Variants in WDFY1 observed in about 807,000 individuals in gnomAD.
WDFY1 encodes WD repeat and FYVE domain-containing protein 1.
In WDFY1, 32 loss-of-function variants were observed where a neutral mutation model predicts 56.4. The observed-to-expected ratio is 0.57, with a 90% CI of 0.43 to 0.76. WDFY1 has a LOEUF of 0.76. Ranked by LOEUF, WDFY1 falls within the 30% of genes least tolerant of loss-of-function variation. The pLI, the probability that WDFY1 is intolerant of heterozygous loss-of-function variation, is 0.00. For synonymous variants in WDFY1, 192 were observed against 197.3 expected (o/e 0.97, Z 0.23); for missense variants, 480 against 545.7 (o/e 0.88, Z 1.20).
intron 4 of WDFY1, among the ~76,000 whole-genome samples, 162 bp downstream of exon 4, chr2:223,905,785 A>C (rs956589499): frequency 5.9e-5 from 9 of 152,254 alleles, no homozygotes; most frequent in East Asian, 5.8e-4. Flanking sequence ...TTAATGAGCA[A>C]GAAAAAGCTG....
chr2:223,931,288 T>C (rs915857635), intron 1 of WDFY1, among the ~76,000 whole-genome samples: 4 of 152,238 alleles, frequency 2.6e-5, no homozygotes, highest in Non-Finnish European at 4.4e-5. Flanking sequence ...TTAAATATCA[T>C]ATAGTAATGT....
intron 6 of WDFY1, among the ~76,000 whole-genome samples, chr2:223,896,175 A>C (rs866090488): frequency 6.8e-5 from 10 of 147,296 alleles, no homozygotes; most frequent in African/African-American, 2.6e-4. Context: ...AAAAAAAAAA[A>C]AAAAAAAACT....
intron 1 of WDFY1, among the ~76,000 whole-genome samples, chr2:223,927,778 C>T (rs1694010028): frequency 6.6e-6 from 1 of 152,228 alleles, no homozygotes; most frequent in Non-Finnish European, 1.5e-5. Flanking sequence ...GCCTTCCTCA[C>T]TAAGCTTAAT....
intron 10 of WDFY1, among the ~76,000 whole-genome samples, chr2:223,880,936 C>T (rs751582905): frequency 5.1e-4 from 78 of 152,314 alleles, no homozygotes; most frequent in Non-Finnish European, 6.5e-4. Context: ...TCTTACAGCA[C>T]CCGCTTCAAA....
At chr2:223,913,439 G>T (rs1487021280) in intron 2 of WDFY1, among the ~76,000 whole-genome samples, 1 of 152,068 alleles carries the variant, frequency 6.6e-6, no homozygotes, top group Non-Finnish European at 1.5e-5. Context: ...TGAAAGGTAC[G>T]TACTGAAATT....
At chr2:223,906,439 G>C (rs1693599303) in intron 3 of WDFY1, among the ~76,000 whole-genome samples, 1 of 152,204 alleles carries the variant, frequency 6.6e-6, no homozygotes, top group Non-Finnish European at 1.5e-5. Context: ...GTGGGGGAAA[G>C]TACACCTATT....
Position 223,877,269 on chromosome 2 carries a change from C to T in WDFY1, c.*1402G>A, listed in dbSNP as rs1277710674. 6.6e-6 allele frequency: 1 copy of T among 151,658 alleles called. No homozygotes were observed. Among genetic ancestry groups the T allele is most frequent in the African/African-American group, 2.4e-5 (1 of 41,312 alleles). The allele number at this position is 151,658 out of a possible 1,614,324, so 9.4% of individuals were successfully genotyped here. On this transcript the variant is annotated 3_prime_UTR_variant, in exon 12 of 12. Transcript: ENST00000233055. Reference sequence around the variant, plus strand: ...TTATCATATGGAATGACCCTATTGTCCTGGTATGATCCCAACACAGTGATG... The same window carrying T: ...TTATCATATGGAATGACCCTATTGTTCTGGTATGATCCCAACACAGTGATG...
At chr2:223,897,392 T>TATA (rs1559166027) in intron 6 of WDFY1, among the ~76,000 whole-genome samples, 1 of 78,070 alleles carries the variant, frequency 1.3e-5, no homozygotes, top group African/African-American at 4.5e-5. Context: ...ATATATATAT[T>TATA]TTTTAAGACG....
intron 1 of WDFY1, among the ~76,000 whole-genome samples, chr2:223,937,381 G>T (rs562907419): frequency 6.6e-6 from 1 of 152,144 alleles, no homozygotes; most frequent in South Asian, 2.1e-4. Context: ...CTTGTATAGT[G>T]CTTTCTCTGT....
intron 1 of WDFY1, among the ~76,000 whole-genome samples, chr2:223,941,820 C>T (rs1381710548): frequency 3.9e-5 from 6 of 152,196 alleles, no homozygotes; most frequent in Non-Finnish European, 7.3e-5. Context: ...GAGTGAAGAA[C>T]GTGACACGTA....
chr2:223,909,213 G>C (rs1342103534), intron 3 of WDFY1, among the ~76,000 whole-genome samples: 1 of 152,152 alleles, frequency 6.6e-6, no homozygotes, highest in East Asian at 1.9e-4. Context: ...TCTAGGTCTG[G>C]CATAGAGCCG....
intron 1 of WDFY1, among the ~76,000 whole-genome samples, chr2:223,933,043 G>A (rs917635290): frequency 2.0e-5 from 3 of 152,058 alleles, no homozygotes; most frequent in Non-Finnish European, 4.4e-5. Context: ...GCTGCAAAAA[G>A]AAGTCTTTCT....
At chr2:223,888,645 G>A (rs1456439534) in intron 8 of WDFY1, among the ~76,000 whole-genome samples, 1 of 142,994 alleles carries the variant, frequency 7.0e-6, no homozygotes. Flanking sequence ...GGAGTGCGTT[G>A]GCATGATCTC....
chr2:223,924,347 G>T (rs1693943590), intron 1 of WDFY1, among the ~76,000 whole-genome samples: 1 of 152,076 alleles, frequency 6.6e-6, no homozygotes, highest in African/African-American at 2.4e-5. Flanking sequence ...AACTTACAGG[G>T]TATGCACGCC....
At chr2:223,892,661 C>G (rs185910935) in intron 8 of WDFY1, among the ~76,000 whole-genome samples, 6 of 152,216 alleles carry the variant, frequency 3.9e-5, no homozygotes. Context: ...GAATCAGACT[C>G]ACAAAGAATC....
chr2:223,880,194 TTA>T lies in WDFY1; in HGVS notation c.1101_1102del (p.His367GlnfsTer46). The T allele has an allele frequency of 6.2e-7, 1 of 1,614,120 alleles. No individual in the cohort carries two copies. Among genetic ancestry groups the T allele is most frequent in the Non-Finnish European group, 8.5e-7 (1 of 1,180,000 alleles). ...AATGTCCATGGACATGTGGGAAATG[TTA>T]TGTTTTCCTTCATGAAAGGTCGCTA... On this transcript the variant is annotated frameshift_variant, in exon 11 of 12. Coordinates refer to ENST00000233055, the MANE Select transcript of WDFY1 (RefSeq NM_020830.5). LOFTEE classifies it high-confidence loss of function.
chr2:223,932,863 T>C (rs557971557), intron 1 of WDFY1, among the ~76,000 whole-genome samples: 1 of 105,162 alleles, frequency 9.5e-6, no homozygotes, highest in African/African-American at 4.5e-5. Context: ...CTCCAGGGGA[T>C]ACAGGAAAAA....
At chr2:223,922,905 T>C (rs1693909279) in intron 1 of WDFY1, among the ~76,000 whole-genome samples, 1 of 152,228 alleles carries the variant, frequency 6.6e-6, no homozygotes, top group African/African-American at 2.4e-5. Flanking sequence ...TTGAACACAG[T>C]ATTACTTCCT....
chr2:223,920,261 G>A (rs918663704), intron 1 of WDFY1, among the ~76,000 whole-genome samples: 1 of 152,182 alleles, frequency 6.6e-6, no homozygotes, highest in Non-Finnish European at 1.5e-5. Flanking sequence ...CCAGTGACCC[G>A]CTGCTCAAGT....
Sources: gnomAD v4.1 joint callset for allele counts (sites outside exome capture counted in the v4.1 genomes callset) on GRCh38, gnomAD v4.1.1 for gene constraint, MANE v1.5 for transcripts, NCBI Gene and HGNC (gene_info 2026-07-23, HGNC 2026-07-21) for gene names.